Variants in MALRD1 observed in about 807,000 individuals in gnomAD.
MALRD1 encodes MAM and LDL-receptor class A domain-containing protein 1.
A neutral mutation model predicts 242.1 loss-of-function variants in MALRD1; 247 were observed. The observed-to-expected ratio is 1.02, with a 90% CI of 0.92 to 1.13. MALRD1 has a LOEUF of 1.13. Among genes scored for constraint, MALRD1 ranks in the 50% most tolerant of loss-of-function variants. The pLI, the probability that MALRD1 is intolerant of heterozygous loss-of-function variation, is 0.00. For missense variants in MALRD1, 2,989 were observed against 2,533.1 expected (o/e 1.18, Z -3.86); for synonymous variants, 995 against 866.6 (o/e 1.15, Z -2.60).
chr10:19,335,201 T>TG (rs956259686), intron 24 of MALRD1, among the ~76,000 whole-genome samples: 9 of 150,912 alleles, frequency 6.0e-5, no homozygotes, highest in Admixed American at 3.3e-4. Context: ...TGTTTTTTTT[T>TG]TTTTTTAGAT....
chr10:19,515,481 G>GT (rs1283516243), intron 31 of MALRD1, among the ~76,000 whole-genome samples: 14 of 151,530 alleles, frequency 9.2e-5, no homozygotes, highest in Admixed American at 2.6e-4. Flanking sequence ...TCCTTTCAAG[G>GT]TTTTCTTTTA....
At chr10:19,509,250 A>T (rs926415736) in intron 31 of MALRD1, among the ~76,000 whole-genome samples, 1 of 152,198 alleles carries the variant, frequency 6.6e-6, no homozygotes, top group Non-Finnish European at 1.5e-5. Flanking sequence ...TCCACCCTTC[A>T]GTGTGAGCAA....
At chr10:19,627,186 C>G (rs555331072) in intron 36 of MALRD1, among the ~76,000 whole-genome samples, 1 of 152,070 alleles carries the variant, frequency 6.6e-6, no homozygotes, top group African/African-American at 2.4e-5. Flanking sequence ...ACATAACACA[C>G]AGGAATTAAC....
At chr10:19,450,119 CT>C (rs1282756586) in intron 28 of MALRD1, among the ~76,000 whole-genome samples, 187 bp from the exon 29 acceptor site, 1 of 152,142 alleles carries the variant, frequency 6.6e-6, no homozygotes, top group Non-Finnish European at 1.5e-5. Flanking sequence ...CCTCTTGAGT[CT>C]TTTTGAGTTG....
intron 12 of MALRD1, among the ~76,000 whole-genome samples, chr10:19,160,421 C>A (rs1233477681): frequency 4.5e-4 from 44 of 97,536 alleles, no homozygotes; most frequent in Non-Finnish European, 8.5e-4. Context: ...GTCTAAAATT[C>A]TCTTTTTTGG....
rs186783495 is a variant in MALRD1, at chr10:19,709,380, G to T, written c.6314+16826G>T. Among the ~76,000 whole-genome samples, 435 of 152,104 alleles carry T rather than the reference G, an allele frequency of 2.9e-3. 1 individual carries two copies. Among genetic ancestry groups the T allele is most frequent in the African/African-American group, 0.01 (419 of 41,512 alleles). On this transcript the variant is annotated intron_variant, in intron 38 of 39. Coordinates refer to ENST00000454679, the MANE Select transcript of MALRD1 (RefSeq NM_001142308.3). ...TGTAGTGAGCTAAGATTGGAGATTG[G>T]CCACTGCACTCTAGCCTGGGTGATA... is the stretch of plus-strand genomic sequence containing the variant.
chr10:19,663,892 G>A (rs1841557970), intron 36 of MALRD1, among the ~76,000 whole-genome samples: 2 of 152,000 alleles, frequency 1.3e-5, no homozygotes, highest in African/African-American at 4.8e-5. Context: ...TTTTCGGCTA[G>A]ACAGAACAGG....
chr10:19,547,819 T>TATATATATATATATATATATATA lies in MALRD1; in HGVS notation c.5478+16468_5478+16469insATATATATATATATATATATATA, dbSNP rs1491504993. On this transcript the variant is annotated intron_variant, in intron 32 of 39. Transcript: ENST00000454679. ...ATATATATATATATATATATATATA[T>TATATATATATATATATATATATA]TTTTTTTTTTTTTTTTTTTTTTTTT... 1.6e-4 allele frequency among the ~76,000 whole-genome samples: 2 copies of TATATATATATATATATATATATA among 12,542 alleles called. 1 individual carries two copies. The highest frequency in any genetic ancestry group is 3.3e-4 in the Non-Finnish European group (2 of 6,014). The allele number at this position is 12,542 out of a possible 152,430, so 8.2% of individuals were successfully genotyped here. A position where few individuals can be genotyped will look rare whatever the true frequency, so the allele number is the denominator to read the frequency against.
chr10:19,344,373 G>A (rs543873524), intron 24 of MALRD1, among the ~76,000 whole-genome samples: 131 of 151,946 alleles, frequency 8.6e-4, no homozygotes, highest in African/African-American at 3.1e-3. Flanking sequence ...TTTTATGTTT[G>A]CCTATAACCA....
intron 32 of MALRD1, among the ~76,000 whole-genome samples, chr10:19,566,752 G>A (rs771803367): frequency 1.6e-4 from 24 of 151,102 alleles, no homozygotes; most frequent in Non-Finnish European, 3.2e-4. Flanking sequence ...ATATAACGTT[G>A]GTATCTGATA....
chr10:19,692,821 T>G (rs1253513325), intron 38 of MALRD1, among the ~76,000 whole-genome samples: 3 of 145,466 alleles, frequency 2.1e-5, no homozygotes, highest in Non-Finnish European at 4.5e-5. Flanking sequence ...ATGAAATTTA[T>G]ATATATATGA....
chr10:19,316,884 TTTAA>T (rs1842728258), intron 21 of MALRD1, among the ~76,000 whole-genome samples: 1 of 151,854 alleles, frequency 6.6e-6, no homozygotes, highest in East Asian at 1.9e-4. Context: ...TAGTCAATAA[TTTAA>T]TTGTGCACCT....
intron 33 of MALRD1, among the ~76,000 whole-genome samples, chr10:19,570,365 T>C (rs1483069704): frequency 6.6e-6 from 1 of 152,062 alleles, no homozygotes; most frequent in Non-Finnish European, 1.5e-5. Context: ...ATGTAATTCA[T>C]TGGGTTTATT....
intron 31 of MALRD1, among the ~76,000 whole-genome samples, 176 bp from the exon 32 acceptor site, chr10:19,531,018 T>G (rs576412074): frequency 8.5e-5 from 13 of 152,348 alleles, no homozygotes; most frequent in Non-Finnish European, 1.5e-4. Flanking sequence ...ATAGTGACAC[T>G]TTTTAGGCTC....
At chr10:19,682,516 C>A (rs568352264) in intron 36 of MALRD1, among the ~76,000 whole-genome samples, 1 of 152,228 alleles carries the variant, frequency 6.6e-6, no homozygotes, top group South Asian at 2.1e-4. Context: ...ATGAATGGAG[C>A]GGGATGTTTA....
At chr10:19,126,380 T>G (rs1198113943) in intron 7 of MALRD1, among the ~76,000 whole-genome samples, 1 of 152,108 alleles carries the variant, frequency 6.6e-6, no homozygotes, top group East Asian at 1.9e-4. Flanking sequence ...ATAACCTGAC[T>G]CCTCCTTTTT....
intron 4 of MALRD1, among the ~76,000 whole-genome samples, chr10:19,088,593 T>TTTA (rs1835770071): frequency 4.7e-5 from 4 of 85,764 alleles, no homozygotes; most frequent in African/African-American, 1.2e-4. Flanking sequence ...TTATTTATTT[T>TTTA]TTTTTATTAT....
chr10:19,695,098 G>A (rs1056917405), intron 38 of MALRD1, among the ~76,000 whole-genome samples: 3 of 152,116 alleles, frequency 2.0e-5, no homozygotes, highest in Non-Finnish European at 4.4e-5. Flanking sequence ...GGGAGGCATA[G>A]CATTAGGAGA....
At chr10:19,475,856 C>G (rs1351275455) in intron 29 of MALRD1, among the ~76,000 whole-genome samples, 1 of 152,144 alleles carries the variant, frequency 6.6e-6, no homozygotes, top group East Asian at 1.9e-4. Context: ...ATCTCTTATT[C>G]TTCATTAAAG....
Sources: gnomAD v4.1 joint callset for allele counts (sites outside exome capture counted in the v4.1 genomes callset) on GRCh38, gnomAD v4.1.1 for gene constraint, MANE v1.5 for transcripts, NCBI Gene and HGNC (gene_info 2026-07-23, HGNC 2026-07-21) for gene names.